TNRC18: variants seen among roughly 807,000 people sequenced by gnomAD.
The protein encoded by TNRC18 is trinucleotide repeat containing 18, also known as trinucleotide repeat-containing gene 18 protein.
TNRC18 carries 69 observed loss-of-function variants against 226.7 expected under a neutral mutation model. The observed-to-expected ratio is 0.30, with a 90% confidence interval of 0.25 to 0.37. The LOEUF (loss-of-function observed/expected upper bound fraction) is 0.37. Among genes scored for constraint, TNRC18 ranks in the 10% least tolerant of loss-of-function variants. The pLI is 1.00. For missense variants in TNRC18, 4,754 were observed against 4,256.6 expected (o/e 1.12, Z -3.25); for synonymous variants, 2,449 against 1,927.6 (o/e 1.27, Z -7.09).
rs1346405792 is a variant in TNRC18, at chr7:5,420,411, G to T, written c.187+649C>A. 3.7e-5 allele frequency: 17 copies of T among 456,000 alleles called. No homozygotes were observed. The East Asian group carries it at 1.2e-3, about 32-fold the overall frequency. The allele number at this position is 456,000 out of a possible 1,614,324, so 28.2% of individuals were successfully genotyped here. A position where few individuals can be genotyped will look rare whatever the true frequency, so the allele number is the denominator to read the frequency against. ...CCTCTTTCGCGCTGGAAAACAAGGG[G>T]TCCCCGAGGGCCGGGGTCGCCGCCC... On this transcript the variant is annotated intron_variant, in intron 2 of 29. Transcript: ENST00000430969.
intron 19 of TNRC18, among the ~76,000 whole-genome samples, chr7:5,331,244 G>A (rs1465047236): frequency 1.3e-5 from 2 of 152,098 alleles, no homozygotes; most frequent in Non-Finnish European, 1.5e-5. Flanking sequence ...ACAGAATACC[G>A]TCAAAACCTA....
Position 5,377,644 on chromosome 7 carries a change from T to A in TNRC18, c.2256-68A>T. The A allele has an allele frequency of 6.7e-7, 1 of 1,485,564 alleles. No homozygotes were observed. 92.0% of individuals were successfully genotyped at this position (1,485,564 alleles called of 1,614,324 possible). A position where few individuals can be genotyped will look rare whatever the true frequency, so the allele number is the denominator to read the frequency against. Reference sequence around the variant, plus strand: ...CAGGGGACGAGAGGGAGAAGCGGGGTTGCCCCAAGGAACTGTTTGCCACCA... The same window carrying A: ...CAGGGGACGAGAGGGAGAAGCGGGGATGCCCCAAGGAACTGTTTGCCACCA... On this transcript the variant is annotated intron_variant, in intron 6 of 29. Transcript: ENST00000430969. The surrounding 1 kb of genome is among the most constrained non-coding windows in gnomAD (Gnocchi z 5.8).
At chr7:5,350,307 C>T (rs1383246629) in intron 17 of TNRC18, among the ~76,000 whole-genome samples, 1 of 151,904 alleles carries the variant, frequency 6.6e-6, no homozygotes, top group African/African-American at 2.4e-5. Flanking sequence ...ACATGGGCCC[C>T]GGGGCATCGT....
At chr7:5,335,824 C>T (rs1187125557) in intron 18 of TNRC18, among the ~76,000 whole-genome samples, 2 of 129,784 alleles carry the variant, frequency 1.5e-5, no homozygotes, top group Non-Finnish European at 3.2e-5. Flanking sequence ...CAAAGGAGAT[C>T]ATATTCACTG....
intron 5 of TNRC18, among the ~76,000 whole-genome samples, chr7:5,387,319 GCA>G (rs1464880196): frequency 6.6e-6 from 1 of 152,174 alleles, no homozygotes; most frequent in Non-Finnish European, 1.5e-5. Context: ...AATCGGTAAG[GCA>G]CAGTTAGGTC....
chr7:5,394,710 G>C lies in TNRC18; in HGVS notation c.188-115C>G. On this transcript the variant is annotated intron_variant, in intron 2 of 29. Coordinates refer to ENST00000430969, the MANE Select transcript of TNRC18 (RefSeq NM_001080495.3). The surrounding 1 kb of genome is among the most constrained non-coding windows in gnomAD (Gnocchi z 4.5). ...CGCCGCCTCTCCCCAGCTGTGTGGAGCTGATGCTGGCCAGGAGACCAAAGA... is the reference window on the plus strand; with the variant it reads ...CGCCGCCTCTCCCCAGCTGTGTGGACCTGATGCTGGCCAGGAGACCAAAGA... The C allele has an allele frequency of 1.3e-6, 1 of 774,238 alleles. No homozygotes were observed. The highest frequency in any genetic ancestry group is 2.1e-6 in the Non-Finnish European group (1 of 484,428). 48.0% of individuals were successfully genotyped at this position (774,238 alleles called of 1,614,324 possible).
At chr7:5,413,902 G>GAA (rs1434557276) in intron 2 of TNRC18, among the ~76,000 whole-genome samples, 1 of 152,124 alleles carries the variant, frequency 6.6e-6, no homozygotes, top group African/African-American at 2.4e-5. Context: ...ATAGTACAAT[G>GAA]AATGGTCCTA....
rs1786684277 is a variant in TNRC18, at chr7:5,307,677, T to A, written c.*429A>T. ...GGGGTGGGCTCCATGCTAAGGGTGC[T>A]TGGGAAGCCCAGAGTGAGCGTCAGT... is the stretch of plus-strand genomic sequence containing the variant. On this transcript the variant is annotated 3_prime_UTR_variant, in exon 30 of 30. Coordinates refer to ENST00000430969, the MANE Select transcript of TNRC18 (RefSeq NM_001080495.3). The A allele has an allele frequency of 2.9e-6, 1 of 341,672 alleles. No homozygotes were observed. The highest frequency in any genetic ancestry group is 2.2e-5 in the South Asian group (1 of 46,454). 21.2% of individuals were successfully genotyped at this position (341,672 alleles called of 1,614,324 possible). A position where few individuals can be genotyped will look rare whatever the true frequency, so the allele number is the denominator to read the frequency against.
rs144190577 is a variant in TNRC18, at chr7:5,311,739, G to T, written c.8388+764C>A. 9.0e-3 allele frequency among the ~76,000 whole-genome samples: 1,367 copies of T among 151,966 alleles called. 9 individuals carry two copies. Among genetic ancestry groups the T allele is most frequent in the Non-Finnish European group, 0.013 (905 of 67,950 alleles). Reference sequence around the variant, plus strand: ...AGGCTGAGGCGGGAAAACTGCTTGGGCCCAGAAGTTCAAAGCTGCAGTGAG... The same window carrying T: ...AGGCTGAGGCGGGAAAACTGCTTGGTCCCAGAAGTTCAAAGCTGCAGTGAG... On this transcript the variant is annotated intron_variant, in intron 27 of 29. Coordinates refer to ENST00000430969, the MANE Select transcript of TNRC18 (RefSeq NM_001080495.3).
In TNRC18 at chr7:5,312,956, C is replaced by T. The variant is rs191091261; in HGVS notation, c.7935G>A (p.Ser2645=). The change falls in exon 27 of 30, where the codon TCG becomes TCA. Residue 2645 remains serine (S), a synonymous_variant. Transcript: ENST00000430969. This position sits in a 1 kb window ranked among gnomAD's most constrained non-coding sequence, Gnocchi z 6.3. The part of the protein sequence containing the change: ...SSSSSSSSSS[S]SSSSSSSSSS... ...AGGAGGAGGAGGAAGAGGAGGAAGA[C>T]GAAGAGGAAGAGGAGGAGGAGGAAG... 2,670 of 1,241,796 alleles carry T rather than the reference C, an allele frequency of 2.2e-3. 32 individuals carry two copies. The African/African-American group carries it at 0.028, about 13-fold the overall frequency. 76.9% of individuals were successfully genotyped at this position (1,241,796 alleles called of 1,614,324 possible). A position where few individuals can be genotyped will look rare whatever the true frequency, so the allele number is the denominator to read the frequency against.
intron 25 of TNRC18, among the ~76,000 whole-genome samples, 184 bp from the exon 26 acceptor site, chr7:5,315,332 C>A (rs1159029498): frequency 6.6e-6 from 1 of 152,076 alleles, no homozygotes; most frequent in East Asian, 1.9e-4. Context: ...CTGCAGGGAG[C>A]AGCCAGAGGC....
At position 5,421,361 on chromosome 7, in the gene TNRC18, G is replaced by C; in HGVS notation, c.-115C>G. On this transcript the variant is annotated 5_prime_UTR_variant, in exon 2 of 30. Coordinates refer to ENST00000430969, the MANE Select transcript of TNRC18 (RefSeq NM_001080495.3). ...AGTCCTCGGGCGGCGGGGGCTCCGC[G>C]GCGTGCATGGCGGCGGCCAGCGGGG... 12 of 991,476 alleles carry C rather than the reference G, an allele frequency of 1.2e-5. No homozygotes were observed. Among genetic ancestry groups the C allele is most frequent in the Non-Finnish European group, 1.5e-5 (12 of 778,568 alleles). The allele number at this position is 991,476 out of a possible 1,614,324, so 61.4% of individuals were successfully genotyped here. A position where few individuals can be genotyped will look rare whatever the true frequency, so the allele number is the denominator to read the frequency against.
rs1235213902 is a variant in TNRC18 at position 5,307,503 on chromosome 7, G to A, written c.*603C>T. The A allele has an allele frequency of 6.7e-6, 3 of 447,114 alleles. No homozygotes were observed. Among genetic ancestry groups the A allele is most frequent in the Admixed American group, 2.4e-5 (1 of 41,710 alleles). The allele number at this position is 447,114 out of a possible 1,614,324, so 27.7% of individuals were successfully genotyped here. On this transcript the variant is annotated 3_prime_UTR_variant, in exon 30 of 30. Coordinates refer to ENST00000430969, the MANE Select transcript of TNRC18 (RefSeq NM_001080495.3). ...CTGTGCCGGGCCCTCTCCACCTGGT[G>A]CCTTTGACAGACACTCCGGGCTGCA...
In TNRC18 at chr7:5,357,237, GCTC is replaced by G. The variant is rs759378663; in HGVS notation, c.4870_4872del (p.Glu1624del). The G allele has an allele frequency of 9.9e-6, 16 of 1,612,410 alleles. 1 individual carries two copies. In the South Asian group the frequency reaches 1.7e-4, roughly 17 times the overall value. On this transcript the variant is annotated inframe_deletion, in exon 16 of 30. Coordinates refer to ENST00000430969, the MANE Select transcript of TNRC18 (RefSeq NM_001080495.3). ...GCCTTGTCGAGCTTGCTTGCCAACT[GCTC>G]CTGGTCGCTGGCCATCTTCTTCTTC...
rs537768041 is a variant in TNRC18, at chr7:5,379,478, CCT to C, written c.2153-1456_2153-1455del. Among the ~76,000 whole-genome samples, 557 of 152,304 alleles carry C rather than the reference CCT, an allele frequency of 3.7e-3. 2 individuals are homozygous for C. Among genetic ancestry groups the C allele is most frequent in the African/African-American group, 0.013 (530 of 41,576 alleles). On this transcript the variant is annotated intron_variant, in intron 5 of 29. Coordinates refer to ENST00000430969, the MANE Select transcript of TNRC18 (RefSeq NM_001080495.3). ...TGGGTGGAGGGGGTGGCCTTGGCCC[CCT>C]GAGTGGGAGATGCTACCGGGCTCAC...
rs569479371 is a variant in TNRC18, at chr7:5,322,253, G to A, written c.6443-1063C>T. On this transcript the variant is annotated intron_variant, in intron 21 of 29. Transcript: ENST00000430969. The stretch of plus-strand genomic sequence containing the variant: ...AGATCACGCCACTGCACTCCAGCCC[G>A]GGTGACAGAGAGTCAGATTCCGTCT... Among the ~76,000 whole-genome samples, 5 of 150,702 alleles carry A rather than the reference G, an allele frequency of 3.3e-5. No homozygotes were observed. In the South Asian group the frequency reaches 6.4e-4, roughly 19 times the overall value.
At position 5,377,163 on chromosome 7, in the gene TNRC18, C is replaced by G. The variant is rs749965332; in HGVS notation, c.2462-170G>C. On this transcript the variant is annotated intron_variant, in intron 7 of 29. Transcript: ENST00000430969. This position sits in a 1 kb window ranked among gnomAD's most constrained non-coding sequence, Gnocchi z 5.8. ...GCTGCAAAGAGCACCCCAGAGCCACCCGCATTGGGCATCTGCCCCAAACAG... is the reference window on the plus strand; with the variant it reads ...GCTGCAAAGAGCACCCCAGAGCCACGCGCATTGGGCATCTGCCCCAAACAG... Among the ~76,000 whole-genome samples the G allele has an allele frequency of 2.0e-5, 3 of 152,312 alleles. No individual in the cohort carries two copies. The highest frequency in any genetic ancestry group is 6.5e-5 in the Admixed American group (1 of 15,300).
intron 3 of TNRC18, among the ~76,000 whole-genome samples, chr7:5,391,049 G>C (rs1425503467): frequency 6.6e-6 from 1 of 152,164 alleles, no homozygotes; most frequent in African/African-American, 2.4e-5. Flanking sequence ...GAGCTGCCTG[G>C]CTTTGGATCG....
chr7:5,320,286 G>T (rs374636776), intron 24 of TNRC18, 32 bp downstream of exon 24: 2 of 1,508,306 alleles, frequency 1.3e-6, no homozygotes, highest in South Asian at 1.2e-5. Context: ...GATGTTAGGC[G>T]GCAGGGGAGA....
Sources: allele counts gnomAD v4.1 joint callset (sites outside exome capture counted in the v4.1 genomes callset), GRCh38; gene constraint gnomAD v4.1.1; non-coding constraint Gnocchi (gnomAD v3.1); transcripts MANE v1.5; gene names NCBI Gene and HGNC (gene_info 2026-07-23, HGNC 2026-07-21).